The following LAIR2 variants were observed in gnomAD, a reference collection of about 807,000 sequenced individuals.
LAIR2 encodes the protein leukocyte associated immunoglobulin like receptor 2.
In LAIR2, 14 loss-of-function variants were observed where a neutral mutation model predicts 14.8. The ratio of observed to expected loss-of-function variants is 0.95; its 90% confidence interval spans 0.62 to 1.48. The LOEUF is 1.48. Ranked by LOEUF, LAIR2 falls within the 40% of genes most tolerant of loss-of-function variation. The pLI, the probability that LAIR2 is intolerant of heterozygous loss-of-function variation, is 0.00. For synonymous variants in LAIR2, 75 were observed against 74.5 expected (o/e 1.01, Z -0.03); for missense variants, 172 against 180.9 (o/e 0.95, Z 0.28).
Position 54,507,933 on chromosome 19 carries a change from T to C in LAIR2, c.113T>C (p.Val38Ala). 1 of 1,614,108 alleles carries C rather than the reference T, an allele frequency of 6.2e-7. No homozygotes were observed. The highest frequency in any genetic ancestry group is 8.5e-7 in the Non-Finnish European group (1 of 1,180,000). Residue 38 changes from valine (V) to alanine (A), a missense_variant, in exon 3 of 5, where the codon GTG becomes GCG. Coordinates refer to ENST00000301202, the MANE Select transcript of LAIR2 (RefSeq NM_002288.6). ...RPSISAEPGT[V>A]ISPGSHVTFM... Reference sequence around the variant, plus strand: ...TCCATCTCGGCTGAGCCAGGCACTGTGATCTCCCCGGGGAGCCATGTGACT... The same window carrying C: ...TCCATCTCGGCTGAGCCAGGCACTGCGATCTCCCCGGGGAGCCATGTGACT...
chr19:54,506,269 G>A (rs575959638), intron 2 of LAIR2, among the ~76,000 whole-genome samples: 2 of 152,246 alleles, frequency 1.3e-5, no homozygotes, highest in South Asian at 4.2e-4. Context: ...CCTCCTGTGC[G>A]AATCATTTTT....
At position 54,510,463 on chromosome 19, in the gene LAIR2, G is replaced by C. The variant is rs919326842; in HGVS notation, c.416-63G>C. 3 of 1,441,906 alleles carry C rather than the reference G, an allele frequency of 2.1e-6. No homozygotes were observed. The African/African-American group carries it at 4.2e-5, about 20-fold the overall frequency. 89.3% of individuals were successfully genotyped at this position (1,441,906 alleles called of 1,614,324 possible). A position where few individuals can be genotyped will look rare whatever the true frequency, so the allele number is the denominator to read the frequency against. On this transcript the variant is annotated intron_variant, in intron 4 of 4. Transcript: ENST00000301202. ...TACACACGGCGCTGACATCAGTGCTGATTAGAAAACCCCAAAGGAGGGATG... is the reference window on the plus strand; with the variant it reads ...TACACACGGCGCTGACATCAGTGCTCATTAGAAAACCCCAAAGGAGGGATG...
Sources: gnomAD v4.1 joint callset for allele counts (sites outside exome capture counted in the v4.1 genomes callset) on GRCh38, gnomAD v4.1.1 for gene constraint, MANE v1.5 for transcripts, NCBI Gene and HGNC (gene_info 2026-07-23, HGNC 2026-07-21) for gene names.